PDSS1: variants seen among roughly 807,000 people sequenced by gnomAD.
The protein encoded by PDSS1 is all trans-polyprenyl-diphosphate synthase PDSS1.
Under a neutral mutation model 57.5 loss-of-function variants are expected in PDSS1, and 43 were observed. The ratio of observed to expected loss-of-function variants is 0.75; its 90% CI spans 0.59 to 0.96. The LOEUF is 0.96. Ranked by LOEUF, PDSS1 falls within the 50% of genes least tolerant of loss-of-function variation. PDSS1 has a pLI of 0.00. For synonymous variants in PDSS1, 175 were observed against 191.3 expected, an observed-to-expected ratio of 0.91 and a Z score of 0.70; for missense variants, 438 against 527.8, an observed-to-expected ratio of 0.83 and a Z score of 1.67.
At chr10:26,714,349 C>T (rs1484246563) in intron 5 of PDSS1, among the ~76,000 whole-genome samples, 1 of 151,892 alleles carries the variant, frequency 6.6e-6, no homozygotes, top group Non-Finnish European at 1.5e-5. Context: ...TGACACACAC[C>T]TATAAATCCC....
At chr10:26,702,047 G>A (rs1252174061) in intron 1 of PDSS1, 115 bp from the exon 2 acceptor site, 1 of 424,286 alleles carries the variant, frequency 2.4e-6, no homozygotes, top group African/African-American at 2.0e-5. Context: ...CTTGCATGAG[G>A]CCTGTAAGCC....
At position 26,739,419 on chromosome 10, in the gene PDSS1, G is replaced by A. The variant is rs141085390; in HGVS notation, c.1027-3078G>A. ...ACATTAAGGGGACTGGGGAGTGCCC[G>A]GGGAAGAGTTTGATATTTTGCATAT... On this transcript the variant is annotated intron_variant, in intron 10 of 11. Coordinates refer to ENST00000376215, the MANE Select transcript of PDSS1 (RefSeq NM_014317.5). Among the ~76,000 whole-genome samples the A allele has an allele frequency of 2.3e-3, 352 of 152,294 alleles. 1 individual carries two copies. The highest frequency in any genetic ancestry group is 8.0e-3 in the African/African-American group (331 of 41,570).
At chr10:26,746,012 G>A (rs1836869434) in intron 11 of PDSS1, among the ~76,000 whole-genome samples, 3 of 151,768 alleles carry the variant, frequency 2.0e-5, no homozygotes, top group Admixed American at 6.6e-5. Flanking sequence ...TAAAAATGTT[G>A]TATAAAGATA....
intron 8 of PDSS1, among the ~76,000 whole-genome samples, chr10:26,732,880 G>T (rs1836262086): frequency 6.6e-6 from 1 of 152,108 alleles, no homozygotes. Flanking sequence ...CAGCACTTTG[G>T]GAGGCTGAGG....
intron 10 of PDSS1, among the ~76,000 whole-genome samples, chr10:26,739,173 A>G (rs1836502197): frequency 2.6e-5 from 4 of 152,164 alleles, no homozygotes; most frequent in Non-Finnish European, 5.9e-5. Flanking sequence ...CGTGGTGACT[A>G]GTTGGTGCCT....
chr10:26,736,048 ACT>A (rs1163866092), intron 10 of PDSS1, among the ~76,000 whole-genome samples: 29 of 152,152 alleles, frequency 1.9e-4, no homozygotes, highest in African/African-American at 5.3e-4. Flanking sequence ...GTTTAATGAG[ACT>A]CTGCTGCTCT....
chr10:26,726,372 A>C (rs1835947931), intron 8 of PDSS1, among the ~76,000 whole-genome samples: 1 of 152,236 alleles, frequency 6.6e-6, no homozygotes, highest in Non-Finnish European at 1.5e-5. Context: ...TAGAATAATA[A>C]AGCAAAATGA....
intron 8 of PDSS1, among the ~76,000 whole-genome samples, chr10:26,727,935 C>T (rs1347934079): frequency 6.6e-6 from 1 of 152,126 alleles, no homozygotes; most frequent in Non-Finnish European, 1.5e-5. Flanking sequence ...TCTCAAGATT[C>T]GATCCAGGTT....
Position 26,746,727 on chromosome 10 carries a change from G to A in PDSS1, c.*254G>A. On this transcript the variant is annotated 3_prime_UTR_variant, in exon 12 of 12. Coordinates refer to ENST00000376215, the MANE Select transcript of PDSS1 (RefSeq NM_014317.5). ...TCAAGGTATCTTGATGGTTATATGT[G>A]GTATTGTTTACACTGTTAATATCCA... 2.1e-6 allele frequency: 1 copy of A among 485,306 alleles called. No homozygotes were observed. The highest frequency in any genetic ancestry group is 2.1e-5 in the South Asian group (1 of 47,946). 30.1% of individuals were successfully genotyped at this position (485,306 alleles called of 1,614,324 possible). A position where few individuals can be genotyped will look rare whatever the true frequency, so the allele number is the denominator to read the frequency against.
In PDSS1 at chr10:26,723,935, TTTC is replaced by T. The variant is rs1835870115; in HGVS notation, c.721+24_721+26del. The T allele has an allele frequency of 1.3e-6, 2 of 1,596,026 alleles. No individual in the cohort carries two copies. Among genetic ancestry groups the T allele is most frequent in the African/African-American group, 1.3e-5 (1 of 74,716 alleles). Reference sequence around the variant, plus strand: ...GGTGCGTGGTACGTTGATTCTGATTTTTCTTCTTTGTTATTCAACCCTGGTGTT... The same window carrying T: ...GGTGCGTGGTACGTTGATTCTGATTTTTCTTTGTTATTCAACCCTGGTGTT... On this transcript the variant is annotated intron_variant, in intron 7 of 11. Transcript: ENST00000376215.
chr10:26,707,153 G>C (rs1361321566), intron 4 of PDSS1, among the ~76,000 whole-genome samples: 1 of 152,160 alleles, frequency 6.6e-6, no homozygotes, highest in African/African-American at 2.4e-5. Flanking sequence ...AGCATGCTCA[G>C]TGTGTTTACC....
chr10:26,732,581 C>G (rs538649928), intron 8 of PDSS1, among the ~76,000 whole-genome samples: 1 of 152,266 alleles, frequency 6.6e-6, no homozygotes. Flanking sequence ...ATTCAGGTTC[C>G]AGCGTGTTGG....
Position 26,735,126 on chromosome 10 carries a change from G to A in PDSS1, c.832-114G>A, listed in dbSNP as rs1188802690. On this transcript the variant is annotated intron_variant, in intron 8 of 11. Coordinates refer to ENST00000376215, the MANE Select transcript of PDSS1 (RefSeq NM_014317.5). ...TCCCTCTGATGTCAGCATCTCCTGAGTGTGTATAATCTAGCCCCGCTGCCT... is the reference window on the plus strand; with the variant it reads ...TCCCTCTGATGTCAGCATCTCCTGAATGTGTATAATCTAGCCCCGCTGCCT... The A allele has an allele frequency of 3.8e-6, 3 of 779,684 alleles. No individual in the cohort carries two copies. The East Asian group carries it at 7.3e-5, about 19-fold the overall frequency. The allele number at this position is 779,684 out of a possible 1,614,324, so 48.3% of individuals were successfully genotyped here.
intron 11 of PDSS1, among the ~76,000 whole-genome samples, chr10:26,745,175 A>T (rs183875335): frequency 3.1e-3 from 476 of 152,118 alleles, no homozygotes; most frequent in African/African-American, 3.0e-3. Flanking sequence ...AAAAAAATTT[A>T]AAAAAAATAA....
chr10:26,740,663 A>T (rs1046925287), intron 10 of PDSS1: 6 of 456,624 alleles, frequency 1.3e-5, no homozygotes, highest in South Asian at 9.3e-5. Flanking sequence ...CCAGGGAAAA[A>T]CTGGCAGCTG....
In PDSS1 at chr10:26,704,808, AT is replaced by A. The variant is rs577678115; in HGVS notation, c.227+75del. The stretch of plus-strand genomic sequence containing the variant: ...TTTTAAATTTATTGTTGTTTAAAAA[AT>A]TTTTTTTGTAGCGATGGGGAGCTCA... On this transcript the variant is annotated intron_variant, in intron 3 of 11. Coordinates refer to ENST00000376215, the MANE Select transcript of PDSS1 (RefSeq NM_014317.5). 39 of 902,374 alleles carry A rather than the reference AT, an allele frequency of 4.3e-5. No homozygotes were observed. In the African/African-American group the frequency reaches 5.3e-4, roughly 12 times the overall value. The allele number at this position is 902,374 out of a possible 1,614,324, so 55.9% of individuals were successfully genotyped here.
chr10:26,720,485 C>A, intron 6 of PDSS1, 126 bp downstream of exon 6: 2 of 729,706 alleles, frequency 2.7e-6, no homozygotes, highest in South Asian at 3.0e-5. Context: ...TTCTGAATTT[C>A]AAAAAAGTAT....
chr10:26,716,250 T>A (rs1445694082), intron 5 of PDSS1, among the ~76,000 whole-genome samples: 1 of 152,176 alleles, frequency 6.6e-6, no homozygotes, highest in African/African-American at 2.4e-5. Context: ...ACTGGGGGTT[T>A]ACTTGCAATT....
chr10:26,731,058 T>G (rs1257206364), intron 8 of PDSS1, among the ~76,000 whole-genome samples: 1 of 151,722 alleles, frequency 6.6e-6, no homozygotes, highest in East Asian at 1.9e-4. Context: ...AATACAAAAA[T>G]TAGCTGGGCG....
Sources: gnomAD v4.1 joint callset for allele counts (sites outside exome capture counted in the v4.1 genomes callset) on GRCh38, gnomAD v4.1.1 for gene constraint, MANE v1.5 for transcripts, NCBI Gene and HGNC (gene_info 2026-07-23, HGNC 2026-07-21) for gene names.